NEK2: variants seen among roughly 807,000 people sequenced by gnomAD.
NEK2 encodes serine/threonine-protein kinase Nek2.
NEK2 carries 28 observed loss-of-function variants against 54.1 expected under a neutral mutation model. The observed-to-expected ratio is 0.52, with a 90% CI of 0.38 to 0.71. The LOEUF (loss-of-function observed/expected upper bound fraction) is 0.71. NEK2 is among the 30% of genes least tolerant of loss of function. The pLI, the probability that NEK2 is intolerant of heterozygous loss-of-function variation, is 0.00. For missense variants in NEK2, 407 were observed against 531.5 expected (o/e 0.77, Z 2.30); for synonymous variants, 176 against 193.1 (o/e 0.91, Z 0.73).
At chr1:211,669,458 G>T in intron 5 of NEK2, 126 bp from the exon 6 acceptor site, 1 of 832,908 alleles carries the variant, frequency 1.2e-6, no homozygotes, top group South Asian at 1.8e-5. Flanking sequence ...TTATGGCTAG[G>T]TCTTAAAAAC....
intron 5 of NEK2, 134 bp from the exon 6 acceptor site, chr1:211,669,466 A>C (rs697004): frequency 0.73 from 556,633 of 764,210 alleles, 206,168 homozygotes; most frequent in East Asian, 1. Flanking sequence ...AGGTCTTAAA[A>C]ACTTGGAAAA....
intron 7 of NEK2, 115 bp downstream of exon 7, chr1:211,666,991 T>C: frequency 6.5e-7 from 1 of 1,529,298 alleles, no homozygotes; most frequent in Non-Finnish European, 8.7e-7. Context: ...GAAATCCATC[T>C]TAAAATTTGA....
chr1:211,667,604 TCTC>T (rs995122848), intron 6 of NEK2, among the ~76,000 whole-genome samples: 6 of 152,006 alleles, frequency 3.9e-5, no homozygotes, highest in Non-Finnish European at 7.4e-5. Flanking sequence ...AGTACAAAAA[TCTC>T]CTTCTTCTGG....
chr1:211,659,970 C>T (rs539637930), downstream of NEK2, among the ~76,000 whole-genome samples: 15 of 152,150 alleles, frequency 9.9e-5, no homozygotes, highest in Non-Finnish European at 2.2e-4. Flanking sequence ...CACAGGCACA[C>T]GCCACACCTG....
At chr1:211,674,226 TA>T in intron 2 of NEK2, 69 bp downstream of exon 2, 1 of 1,322,538 alleles carries the variant, frequency 7.6e-7, no homozygotes, top group Non-Finnish European at 1.1e-6. Flanking sequence ...TTACTGATCC[TA>T]AAACAAGATG....
chr1:211,663,485 G>A lies in NEK2; in HGVS notation c.1279C>T (p.Leu427=), dbSNP rs757488320. ...LHAAQLRAQA[L]SDIEKNYQLK... ...TGGTAATTTTTCTCAATATCTGACAGGGCTTGAGCCCGCAGCTGGGCAGCG... is the reference window on the plus strand; with the variant it reads ...TGGTAATTTTTCTCAATATCTGACAAGGCTTGAGCCCGCAGCTGGGCAGCG... The change falls in exon 8 of 8, where the codon CTG becomes TTG. Residue 427 remains leucine, a synonymous_variant. Coordinates refer to ENST00000366999, the MANE Select transcript of NEK2 (RefSeq NM_002497.4). The A allele has an allele frequency of 1.9e-6, 3 of 1,613,912 alleles. No individual in the cohort carries two copies. Among genetic ancestry groups the A allele is most frequent in the Non-Finnish European group, 2.5e-6 (3 of 1,179,852 alleles).
chr1:211,658,886 A>G (rs779822672), downstream of NEK2, among the ~76,000 whole-genome samples: 2 of 152,144 alleles, frequency 1.3e-5, no homozygotes, highest in Non-Finnish European at 2.9e-5. Context: ...GATGAGATCT[A>G]TCAAAAACAG....
At chr1:211,671,334 T>C (rs1408115228) in intron 3 of NEK2, 50 bp from the exon 4 acceptor site, 2 of 1,407,170 alleles carry the variant, frequency 1.4e-6, no homozygotes, top group East Asian at 2.3e-5. Flanking sequence ...GAGTTTATTT[T>C]GTTTTGAAAC....
downstream of NEK2, chr1:211,661,234 AT>A: frequency 2.9e-6 from 2 of 698,508 alleles, no homozygotes. Flanking sequence ...TAAGCATCTG[AT>A]TTTTGATCTC....
chr1:211,675,182 G>A (rs951685392), intron 1 of NEK2, among the ~76,000 whole-genome samples: 2 of 152,202 alleles, frequency 1.3e-5, no homozygotes, highest in Non-Finnish European at 2.9e-5. Flanking sequence ...GGAAAAGATG[G>A]AAATACATAT....
At chr1:211,674,213 A>T (rs562146593) in intron 2 of NEK2, 83 bp downstream of exon 2, 2 of 1,142,116 alleles carry the variant, frequency 1.8e-6, no homozygotes, top group African/African-American at 1.5e-5. Context: ...ACACTCTTCC[A>T]TATTACTGAT....
chr1:211,671,641 T>C (rs914026979), intron 3 of NEK2, among the ~76,000 whole-genome samples: 1 of 152,238 alleles, frequency 6.6e-6, no homozygotes. Context: ...CTAGTCCACA[T>C]TTAAATGGAT....
Position 211,670,413 on chromosome 1 carries a change from G to A in NEK2, c.639-6C>T, listed in dbSNP as rs374336991. On this transcript the variant is annotated splice_polypyrimidine_tract_variant and splice_region_variant and intron_variant, in intron 4 of 7. Transcript: ENST00000366999. ...TAAAAGCTGTAAATGGAGGCCTAGG[G>A]TTAAAAAAGAAGAAGAAGACGACGA... 13 of 1,597,924 alleles carry A rather than the reference G, an allele frequency of 8.1e-6. No individual in the cohort carries two copies. The highest frequency in any genetic ancestry group is 2.2e-5 in the East Asian group (1 of 44,750).
chr1:211,664,079 T>A lies in NEK2; in HGVS notation c.1112-427A>T, dbSNP rs62946761. 7.4e-4 allele frequency among the ~76,000 whole-genome samples: 104 copies of A among 139,964 alleles called. 1 individual carries two copies. Among genetic ancestry groups the A allele is most frequent in the African/African-American group, 2.2e-3 (85 of 37,846 alleles). The allele number at this position is 139,964 out of a possible 152,430, so 91.8% of individuals were successfully genotyped here. A position where few individuals can be genotyped will look rare whatever the true frequency, so the allele number is the denominator to read the frequency against. On this transcript the variant is annotated intron_variant, in intron 7 of 7. Coordinates refer to ENST00000366999, the MANE Select transcript of NEK2 (RefSeq NM_002497.4). Reference sequence around the variant, plus strand: ...CTGTCTTTGTTTTTTTTTTTTTTTTTAAATAGAGAACACCTACAGTTTTGG... The same window carrying A: ...CTGTCTTTGTTTTTTTTTTTTTTTTAAAATAGAGAACACCTACAGTTTTGG...
At position 211,668,387 on chromosome 1, in the gene NEK2, C is replaced by T. The variant is rs1655245696; in HGVS notation, c.985+726G>A. On this transcript the variant is annotated intron_variant, in intron 6 of 7. Transcript: ENST00000366999. ...AGTAGACACACTTTCAATATCAAAA[C>T]TAAATTAGCATCTAATCAGTTAATA... 3.9e-5 allele frequency among the ~76,000 whole-genome samples: 6 copies of T among 152,330 alleles called. No homozygotes were observed. In the South Asian group the frequency reaches 1.2e-3, roughly 32 times the overall value.
downstream of NEK2, chr1:211,660,724 G>A: frequency 1.5e-6 from 1 of 679,024 alleles, no homozygotes; most frequent in Non-Finnish European, 2.8e-6. Flanking sequence ...TGGGGGTGCT[G>A]TGATGGGGTC....
At chr1:211,660,901 C>G (rs1282461135), downstream of NEK2, 5 of 735,486 alleles carry the variant, frequency 6.8e-6, no homozygotes, top group East Asian at 1.3e-4. Context: ...CTTCTGATAC[C>G]AGCAGATCTG....
chr1:211,661,422 T>G, downstream of NEK2: 1 of 299,526 alleles, frequency 3.3e-6, no homozygotes, highest in South Asian at 4.0e-5. Flanking sequence ...TGAAATTCAC[T>G]TTTAGAAGCT....
chr1:211,673,658 C>T lies in NEK2; in HGVS notation c.380G>A (p.Cys127Tyr). The T allele has an allele frequency of 6.2e-7, 1 of 1,614,152 alleles. No homozygotes were observed. The highest frequency in any genetic ancestry group is 1.1e-5 in the South Asian group (1 of 91,086). The change falls in exon 3 of 8, where the codon TGC (cysteine) becomes TAC (tyrosine). Residue 127 changes from cysteine (C) to tyrosine (Y), a missense_variant. Transcript: ENST00000366999. Reference protein sequence around the residue: ...MTQLTLALKECHRRSDGGHTV... With the variant: ...MTQLTLALKEYHRRSDGGHTV... ...ATGACCACCATCACTTCGTCTGTGG[C>T]ATTCCTTCAGGGCCAGAGTCAACTG...
Sources: allele counts gnomAD v4.1 joint callset (sites outside exome capture counted in the v4.1 genomes callset), GRCh38; gene constraint gnomAD v4.1.1; transcripts MANE v1.5; gene names NCBI Gene and HGNC (gene_info 2026-07-23, HGNC 2026-07-21).